The following PDLIM7 variants were observed in gnomAD, a reference collection of about 807,000 sequenced individuals.
PDLIM7 encodes the protein PDZ and LIM domain 7.
In PDLIM7, 37 loss-of-function variants were observed where a neutral mutation model predicts 53.9. That is an observed-to-expected ratio of 0.69 (90% CI 0.53 to 0.90). The LOEUF (loss-of-function observed/expected upper bound fraction) is 0.90, where lower values mean the gene tolerates loss of function less well. PDLIM7 is among the 40% of genes least tolerant of loss of function. The pLI is 0.00. For missense variants in PDLIM7, 617 were observed against 638.5 expected (o/e 0.97, Z 0.36); for synonymous variants, 300 against 261.3 (o/e 1.15, Z -1.43).
chr5:177,491,224 T>C, intron 5 of PDLIM7, 78 bp from the exon 6 acceptor site: 1 of 1,505,108 alleles, frequency 6.6e-7, no homozygotes, highest in Admixed American at 1.9e-5. Context: ...TTGGTGCATG[T>C]GGGTTTGGGT....
In PDLIM7 at chr5:177,488,323, A is replaced by G. The variant is rs375201603; in HGVS notation, c.870-75T>C. On this transcript the variant is annotated intron_variant, in intron 9 of 12. Transcript: ENST00000355841. ...GTCTTGGCCCCCTTCAGGTTGACTG[A>G]CCACCCACCAGGAGGCCTTGGGAGG... 1.3e-4 allele frequency: 165 copies of G among 1,296,080 alleles called. No individual in the cohort carries two copies. The East Asian group carries it at 3.4e-3, about 27-fold the overall frequency. 80.3% of individuals were successfully genotyped at this position (1,296,080 alleles called of 1,614,324 possible).
chr5:177,490,739 AAGG>A (rs1758720258), intron 7 of PDLIM7, 128 bp downstream of exon 7: 2 of 843,700 alleles, frequency 2.4e-6, no homozygotes, highest in East Asian at 2.6e-5. Flanking sequence ...GGAAGGAAGG[AAGG>A]AAGGAAGGAA....
At chr5:177,497,039 GGGGA>G (rs1759123758) in intron 1 of PDLIM7, among the ~76,000 whole-genome samples, 6 of 144,864 alleles carry the variant, frequency 4.1e-5, no homozygotes, top group Non-Finnish European at 6.2e-5. Context: ...GGGGAGGGGA[GGGGA>G]GGGAGGCGGC....
chr5:177,488,186 C>T lies in PDLIM7; in HGVS notation c.932G>A (p.Cys311Tyr). ...GCCACCCTCTTCCAGGACCTTCCCA[C>T]ACTGGCTACACACAAACTCCTCCGG... Reference protein sequence around the residue: ...YHPEEFVCSQCGKVLEEGGFF... With the variant: ...YHPEEFVCSQYGKVLEEGGFF... The change falls in exon 10 of 13, where the codon TGT (cysteine) becomes TAT (tyrosine). Residue 311 changes from cysteine to tyrosine, a missense_variant. Cys to Tyr is a radical substitution (Grantham distance 194). Coordinates refer to ENST00000355841, the MANE Select transcript of PDLIM7 (RefSeq NM_005451.5). The T allele has an allele frequency of 2.5e-6, 4 of 1,613,420 alleles. No individual in the cohort carries two copies. The highest frequency in any genetic ancestry group is 3.4e-6 in the Non-Finnish European group (4 of 1,179,940).
Position 177,490,896 on chromosome 5 carries a change from C to T in PDLIM7, c.546G>A (p.Pro182=), listed in dbSNP as rs1132445. ...HLTGTEFMQD[P]DEEHLKKSSQ... ...TTGATTTCTTCAGGTGCTCCTCATC[C>T]GGGTCTTGCACTGAGAGGGCAGAGG... Residue 182 remains proline (P), a synonymous_variant, in exon 7 of 13, where the codon CCG becomes CCA. Coordinates refer to ENST00000355841, the MANE Select transcript of PDLIM7 (RefSeq NM_005451.5). The T allele has an allele frequency of 0.067, 108,269 of 1,613,782 alleles. 4,206 individuals carry two copies. Among genetic ancestry groups the T allele is most frequent in the Non-Finnish European group, 0.078 (92,369 of 1,179,804 alleles).
intron 5 of PDLIM7, chr5:177,491,420 C>A: frequency 6.4e-7 from 1 of 1,550,872 alleles, no homozygotes; most frequent in Non-Finnish European, 8.7e-7. Flanking sequence ...GGGGTCTGCA[C>A]CTGTGAAGGA....
Position 177,489,607 on chromosome 5 carries a change from T to A in PDLIM7, c.655A>T (p.Thr219Ser). Reference protein sequence around the residue: ...PWPGPTAPSPTSRPPWAVDPA... With the variant: ...PWPGPTAPSPSSRPPWAVDPA... ...TCCACAGCCCAGGGCGGGCGGCTGG[T>A]AGGGCTGGGGGCGGTAGGGCCTGCC... The change falls in exon 9 of 13, where the codon ACC becomes TCC. Residue 219 changes from threonine (T) to serine (S), a missense_variant. Thr to Ser is a moderately conservative substitution (Grantham distance 58). Transcript: ENST00000355841. 6.2e-7 allele frequency: 1 copy of A among 1,603,296 alleles called. No homozygotes were observed. Among genetic ancestry groups the A allele is most frequent in the South Asian group, 1.1e-5 (1 of 89,950 alleles).
At chr5:177,486,707 C>T (rs756688440) in intron 10 of PDLIM7, among the ~76,000 whole-genome samples, 81 of 151,990 alleles carry the variant, frequency 5.3e-4, no homozygotes, top group Non-Finnish European at 9.1e-4. Context: ...GGCGCGATCT[C>T]GGCTCACTGC....
intron 2 of PDLIM7, among the ~76,000 whole-genome samples, chr5:177,493,664 T>G (rs1236128662): frequency 6.6e-6 from 1 of 152,236 alleles, no homozygotes; most frequent in Non-Finnish European, 1.5e-5. Context: ...GTGACCCTGA[T>G]AAACCCCTTC....
At chr5:177,486,462 G>A (rs373918486) in intron 10 of PDLIM7, among the ~76,000 whole-genome samples, 1 of 152,260 alleles carries the variant, frequency 6.6e-6, no homozygotes. Context: ...GTAGATCACA[G>A]AAATAGGTTT....
rs1477088879 is a variant in PDLIM7 at position 177,483,542 on chromosome 5, C to A, written c.*102G>T. On this transcript the variant is annotated 3_prime_UTR_variant, in exon 13 of 13. Coordinates refer to ENST00000355841, the MANE Select transcript of PDLIM7 (RefSeq NM_005451.5). ...GGAGCCCCAGGCTCGGGCCAGGAGC[C>A]AGGGTTAAGGCAACCATTGCCAGCC... 1 of 851,188 alleles carries A rather than the reference C, an allele frequency of 1.2e-6. No homozygotes were observed. The highest frequency in any genetic ancestry group is 1.7e-5 in the African/African-American group (1 of 58,718). 52.7% of individuals were successfully genotyped at this position (851,188 alleles called of 1,614,324 possible). A position where few individuals can be genotyped will look rare whatever the true frequency, so the allele number is the denominator to read the frequency against.
At chr5:177,489,261 C>A (rs1758616170) in intron 9 of PDLIM7, 132 bp downstream of exon 9, 1 of 720,966 alleles carries the variant, frequency 1.4e-6, no homozygotes, top group East Asian at 2.8e-5. Flanking sequence ...AGCCCAGGTC[C>A]CTACTCCTAC....
chr5:177,486,518 T>C (rs1758447381), intron 10 of PDLIM7, among the ~76,000 whole-genome samples: 1 of 152,072 alleles, frequency 6.6e-6, no homozygotes, highest in Admixed American at 6.5e-5. Flanking sequence ...GTGTTGCCTG[T>C]TTTAGAGGAG....
intron 2 of PDLIM7, among the ~76,000 whole-genome samples, chr5:177,494,794 A>G (rs991898245): frequency 6.6e-6 from 1 of 152,092 alleles, no homozygotes; most frequent in African/African-American, 2.4e-5. Flanking sequence ...AGTCAGCCTG[A>G]GCAGCCCAGC....
At chr5:177,484,563 G>C (rs1758341930) in intron 10 of PDLIM7, 2 of 233,096 alleles carry the variant, frequency 8.6e-6, no homozygotes, top group Admixed American at 1.0e-4. Context: ...GGCACATCCA[G>C]ATTCTGAGTG....
intron 2 of PDLIM7, 77 bp downstream of exon 2, chr5:177,496,340 G>A: frequency 8.9e-7 from 1 of 1,119,670 alleles, no homozygotes. Flanking sequence ...CTCCTGTTAG[G>A]ACTCCCCCCA....
chr5:177,487,463 A>C (rs1457888167), intron 10 of PDLIM7, among the ~76,000 whole-genome samples: 1 of 152,182 alleles, frequency 6.6e-6, no homozygotes, highest in Non-Finnish European at 1.5e-5. Context: ...GAAGGTGAGC[A>C]TTTTGGCGGA....
intron 2 of PDLIM7, 124 bp downstream of exon 2, chr5:177,496,293 G>A: frequency 1.5e-6 from 1 of 650,404 alleles, no homozygotes; most frequent in Non-Finnish European, 2.5e-6. Context: ...TACATCTCCG[G>A]ACCTAGACAT....
intron 7 of PDLIM7, chr5:177,490,616 G>A: frequency 1.3e-6 from 2 of 1,499,850 alleles, no homozygotes; most frequent in Non-Finnish European, 1.8e-6. Context: ...GAGAGAGGGA[G>A]GAAGAAGTGG....
Sources: gnomAD v4.1 joint callset for allele counts (sites outside exome capture counted in the v4.1 genomes callset) on GRCh38, gnomAD v4.1.1 for gene constraint, MANE v1.5 for transcripts, NCBI Gene and HGNC (gene_info 2026-07-23, HGNC 2026-07-21) for gene names.